Variants in PLXNB1 observed in about 807,000 individuals in gnomAD.
PLXNB1 encodes plexin-B1.
In PLXNB1, 106 loss-of-function variants were observed where a neutral mutation model predicts 209.4. That is an observed-to-expected ratio of 0.51 (90% CI 0.43 to 0.59). The LOEUF (loss-of-function observed/expected upper bound fraction) is 0.59. Among genes scored for constraint, PLXNB1 ranks in the 20% least tolerant of loss-of-function variants. PLXNB1 has a pLI of 0.00. For synonymous variants in PLXNB1, 1,167 were observed against 1,183.2 expected (o/e 0.99, Z 0.28); for missense variants, 2,357 against 2,853.2 (o/e 0.83, Z 3.96).
Position 48,413,264 on chromosome 3 carries a change from C to T in PLXNB1, c.4536-95G>A. 1 of 989,154 alleles carries T rather than the reference C, an allele frequency of 1.0e-6. No homozygotes were observed. Among genetic ancestry groups the T allele is most frequent in the Non-Finnish European group, 1.6e-6 (1 of 631,738 alleles). 61.3% of individuals were successfully genotyped at this position (989,154 alleles called of 1,614,324 possible). ...CCAGGCACACCCCGGCCTCATCCAG[C>T]ACAGTCCAATGCAGCCATGCCAGCC... On this transcript the variant is annotated intron_variant, in intron 23 of 37. Transcript: ENST00000296440. This position sits in a 1 kb window ranked among gnomAD's most constrained non-coding sequence, Gnocchi z 5.4.
In PLXNB1 at chr3:48,410,734, G is replaced by A; in HGVS notation, c.5416+134C>T. 2.0e-6 allele frequency: 2 copies of A among 1,020,532 alleles called. No homozygotes were observed. The highest frequency in any genetic ancestry group is 2.9e-6 in the Non-Finnish European group (2 of 696,696). The allele number at this position is 1,020,532 out of a possible 1,614,324, so 63.2% of individuals were successfully genotyped here. A position where few individuals can be genotyped will look rare whatever the true frequency, so the allele number is the denominator to read the frequency against. ...AGATGAGAGGCTGTCCAAGAAAGAT[G>A]TTCCAAAGCCAGCTTCTGCCTGCCT... On this transcript the variant is annotated intron_variant, in intron 29 of 37. Transcript: ENST00000296440. The surrounding 1 kb of genome is among the most constrained non-coding windows in gnomAD (Gnocchi z 6.4).
At chr3:48,425,942 A>C (rs1036987424) in intron 1 of PLXNB1, among the ~76,000 whole-genome samples, 13 of 151,008 alleles carry the variant, frequency 8.6e-5, no homozygotes, top group African/African-American at 3.2e-4. Flanking sequence ...TATAGAGACA[A>C]CTCCCCCACA....
In PLXNB1 at chr3:48,419,419, C is replaced by A; in HGVS notation, c.2710-53G>T. ...ATGGAGCCCACCCTGCCCAGCTCAG[C>A]CCTCTGCCTTGCCAGATTCCAGAGG... On this transcript the variant is annotated intron_variant, in intron 11 of 37. Transcript: ENST00000296440. This position sits in a 1 kb window ranked among gnomAD's most constrained non-coding sequence, Gnocchi z 5.7. The A allele has an allele frequency of 6.6e-7, 1 of 1,521,400 alleles. No individual in the cohort carries two copies. The highest frequency in any genetic ancestry group is 8.8e-7 in the Non-Finnish European group (1 of 1,132,100). The allele number at this position is 1,521,400 out of a possible 1,614,324, so 94.2% of individuals were successfully genotyped here.
rs201139476 is a variant in PLXNB1, at chr3:48,415,392, A to G, written c.3795-45T>C. On this transcript the variant is annotated intron_variant, in intron 19 of 37. Coordinates refer to ENST00000296440, the MANE Select transcript of PLXNB1 (RefSeq NM_001130082.3). The surrounding 1 kb of genome is among the most constrained non-coding windows in gnomAD (Gnocchi z 5.0). ...TACGTAACGTAAGATGGCTTATGTT[A>G]CCTGGACCTAAAGCACAGCCCAGTC... is the stretch of plus-strand genomic sequence containing the variant. 6.3e-7 allele frequency: 1 copy of G among 1,586,480 alleles called. No homozygotes were observed. Among genetic ancestry groups the G allele is most frequent in the Non-Finnish European group, 8.6e-7 (1 of 1,161,684 alleles).
rs919341434 is a variant in PLXNB1, at chr3:48,416,283, T to C, written c.3480+63A>G. On this transcript the variant is annotated intron_variant, in intron 17 of 37. Transcript: ENST00000296440. The surrounding 1 kb of genome is among the most constrained non-coding windows in gnomAD (Gnocchi z 4.1). ...CCCCACCAAGGAATAACCAGATGGG[T>C]TGAGAGGAGCCACCAGAGAGGTTGG... The C allele has an allele frequency of 2.2e-5, 35 of 1,559,298 alleles. No individual in the cohort carries two copies. In the African/African-American group the frequency reaches 2.8e-4, roughly 13 times the overall value.
Position 48,419,674 on chromosome 3 carries a change from C to A in PLXNB1, c.2612G>T (p.Gly871Val). ...PAFSTSTLLS[G>V]DGDSAELEGP... ...CTCAAGCTCTGCTGAGTCTCCATCA[C>A]CTGAGAGGAGGGTGGAAGTGGAGAA... is the stretch of plus-strand genomic sequence containing the variant. Residue 871 changes from glycine to valine, a missense_variant, in exon 11 of 38, where the codon GGT (glycine) becomes GTT (valine). By Grantham distance (109) the Gly-to-Val change is moderately radical. Coordinates refer to ENST00000296440, the MANE Select transcript of PLXNB1 (RefSeq NM_001130082.3). The surrounding 1 kb of genome is among the most constrained non-coding windows in gnomAD (Gnocchi z 5.7). 1 of 1,612,578 alleles carries A rather than the reference C, an allele frequency of 6.2e-7. No homozygotes were observed. The highest frequency in any genetic ancestry group is 8.5e-7 in the Non-Finnish European group (1 of 1,179,942).
rs938923955 is a variant in PLXNB1 at position 48,413,516 on chromosome 3, T to G, written c.4535+154A>C. 3.9e-6 allele frequency: 3 copies of G among 761,490 alleles called. No individual in the cohort carries two copies. Among genetic ancestry groups the G allele is most frequent in the African/African-American group, 3.5e-5 (2 of 56,778 alleles). 47.2% of individuals were successfully genotyped at this position (761,490 alleles called of 1,614,324 possible). On this transcript the variant is annotated intron_variant, in intron 23 of 37. Transcript: ENST00000296440. The surrounding 1 kb of genome is among the most constrained non-coding windows in gnomAD (Gnocchi z 5.4). ...TTGTGCCACAGTGGCAAAGCTGAGT[T>G]GTTGAACAGAGACCACTTGGCCTGC...
chr3:48,421,658 C>CT lies in PLXNB1; in HGVS notation c.1653+15dup, dbSNP rs748784275. 15 of 1,588,368 alleles carry CT rather than the reference C, an allele frequency of 9.4e-6. No homozygotes were observed. The highest frequency in any genetic ancestry group is 1.3e-5 in the Non-Finnish European group (15 of 1,160,298). ...AGAGCCCTCCCCACCAGGGCCCTGC[C>CT]TATCTGATCATTCACCTCCCTCGTC... On this transcript the variant is annotated intron_variant, in intron 7 of 37. Coordinates refer to ENST00000296440, the MANE Select transcript of PLXNB1 (RefSeq NM_001130082.3).
chr3:48,412,291 CCA>C lies in PLXNB1; in HGVS notation c.5045_5046del (p.Val1682GlyfsTer33). On this transcript the variant is annotated frameshift_variant, in exon 27 of 38. Transcript: ENST00000296440. LOFTEE classifies it high-confidence loss of function. ...PKLMLRRTET[V>X]VEKLLTNWMS... ...ATCCAGTTGGTGAGCAGCTTCTCCA[CCA>C]CAGTCTCTGTCCTGAGATGATGGGA... 1.9e-6 allele frequency: 3 copies of C among 1,614,082 alleles called. No homozygotes were observed. Among genetic ancestry groups the C allele is most frequent in the Non-Finnish European group, 2.5e-6 (3 of 1,180,020 alleles).
Position 48,413,179 on chromosome 3 carries a change from C to A in PLXNB1, c.4536-10G>T. 1 of 1,605,498 alleles carries A rather than the reference C, an allele frequency of 6.2e-7. No individual in the cohort carries two copies. The highest frequency in any genetic ancestry group is 8.5e-7 in the Non-Finnish European group (1 of 1,176,062). ...CTGCTTGCTCTTCCTCCTGCTCAGC[C>A]CCAGGGTCAGGAGAGGATGGCCAGA... On this transcript the variant is annotated splice_polypyrimidine_tract_variant and intron_variant, in intron 23 of 37. Transcript: ENST00000296440. The surrounding 1 kb of genome is among the most constrained non-coding windows in gnomAD (Gnocchi z 5.4).
chr3:48,407,644 G>T (rs1386791395), intron 34 of PLXNB1, among the ~76,000 whole-genome samples: 2 of 152,236 alleles, frequency 1.3e-5, no homozygotes, highest in Admixed American at 6.5e-5. Context: ...TCCTAGAGCT[G>T]CTGGGAAGGT....
intron 1 of PLXNB1, among the ~76,000 whole-genome samples, chr3:48,427,740 C>A (rs910350740): frequency 6.6e-6 from 1 of 152,202 alleles, no homozygotes; most frequent in African/African-American, 2.4e-5. Context: ...CCCACTCCCT[C>A]GCTATCCCAT....
rs772213782 is a variant in PLXNB1, at chr3:48,404,562, G to A, written c.6332C>T (p.Thr2111Met). The change falls in exon 38 of 38, where the codon ACG becomes ATG. Residue 2111 changes from threonine (T) to methionine (M), a missense_variant. By Grantham distance (81) the Thr-to-Met change is moderately conservative. Transcript: ENST00000296440. ...ATAGCCCAGCTGCATCTTCTGGGCC[G>A]TGCCATCCTCCTCCAGGGCAGTGAT... ...QIITALEEDG[T>M]AQKMQLGYRL... The A allele has an allele frequency of 2.4e-5, 38 of 1,613,056 alleles. No individual in the cohort carries two copies. The highest frequency in any genetic ancestry group is 6.6e-5 in the South Asian group (6 of 91,010).
chr3:48,405,329 A>AC lies in PLXNB1; in HGVS notation c.6303+394dup, dbSNP rs1460929282. Among the ~76,000 whole-genome samples the AC allele has an allele frequency of 6.6e-6, 1 of 152,036 alleles. No individual in the cohort carries two copies. Among genetic ancestry groups the AC allele is most frequent in the Non-Finnish European group, 1.5e-5 (1 of 68,014 alleles). On this transcript the variant is annotated intron_variant, in intron 37 of 37. Coordinates refer to ENST00000296440, the MANE Select transcript of PLXNB1 (RefSeq NM_001130082.3). This position sits in a 1 kb window ranked among gnomAD's most constrained non-coding sequence, Gnocchi z 5.0. ...TTCACCAGCTCCAGTGTACCCTCACACCCCTGGCCCTGTGCCTGGACTCTC... is the reference window on the plus strand; with the variant it reads ...TTCACCAGCTCCAGTGTACCCTCACACCCCCTGGCCCTGTGCCTGGACTCTC...
At position 48,419,571 on chromosome 3, in the gene PLXNB1, C is replaced by T; in HGVS notation, c.2709+6G>A. 3.1e-6 allele frequency: 5 copies of T among 1,601,532 alleles called. No individual in the cohort carries two copies. The highest frequency in any genetic ancestry group is 4.3e-6 in the Non-Finnish European group (5 of 1,171,420). ...CCTGAGGCCTCCTTCCTGGGCTGGG[C>T]CTCACCAGCTCCCAGAGCCCGGGGG... is the stretch of plus-strand genomic sequence containing the variant. On this transcript the variant is annotated splice_donor_region_variant and intron_variant, in intron 11 of 37. Transcript: ENST00000296440. The surrounding 1 kb of genome is among the most constrained non-coding windows in gnomAD (Gnocchi z 5.7).
Position 48,406,992 on chromosome 3 carries a change from G to T in PLXNB1, c.6152+35C>A, listed in dbSNP as rs556501307. The T allele has an allele frequency of 3.7e-6, 6 of 1,609,744 alleles. No individual in the cohort carries two copies. Among genetic ancestry groups the T allele is most frequent in the Non-Finnish European group, 5.1e-6 (6 of 1,176,144 alleles). ...CACCCCCCAAGCCTCAGCTGCACAC[G>T]CCCTCCAACCTCTACCCACCGTGCC... On this transcript the variant is annotated intron_variant, in intron 35 of 37. Transcript: ENST00000296440. The surrounding 1 kb of genome is among the most constrained non-coding windows in gnomAD (Gnocchi z 4.4).
chr3:48,416,046 T>C lies in PLXNB1; in HGVS notation c.3602A>G (p.Asp1201Gly), dbSNP rs752981946. The C allele has an allele frequency of 5.0e-6, 8 of 1,603,384 alleles. No individual in the cohort carries two copies. In the South Asian group the frequency reaches 5.6e-5, roughly 11 times the overall value. ...RLEDIRVVVG[D>G]QPCHLLPEQQ... is the part of the protein sequence containing the mutation. Reference sequence around the variant, plus strand: ...TGGCCCTCACAAGTGACAAGGCTGGTCTCCAACCACCACTCGGATGTCCTC... The same window carrying C: ...TGGCCCTCACAAGTGACAAGGCTGGCCTCCAACCACCACTCGGATGTCCTC... The change falls in exon 18 of 38, where the codon GAC (aspartate) becomes GGC (glycine). Residue 1201 changes from aspartate to glycine, a missense_variant. Physicochemically the swap from Asp to Gly is moderately conservative, Grantham distance 94. Around this residue, in one of 7 missense-constraint regions of PLXNB1, gnomAD observed 743 missense variants for 896.2 expected, o/e 0.83. Coordinates refer to ENST00000296440, the MANE Select transcript of PLXNB1 (RefSeq NM_001130082.3). The surrounding 1 kb of genome is among the most constrained non-coding windows in gnomAD (Gnocchi z 4.1).
chr3:48,413,371 C>G lies in PLXNB1; in HGVS notation c.4536-202G>C. ...CACCCATGCCCCGTCTAGCCCAGCA[C>G]AGTTTAGCCTAGAGATCAGCCAACC... is the stretch of plus-strand genomic sequence containing the variant. On this transcript the variant is annotated intron_variant, in intron 23 of 37. Transcript: ENST00000296440. This position sits in a 1 kb window ranked among gnomAD's most constrained non-coding sequence, Gnocchi z 5.4. The G allele has an allele frequency of 4.9e-6, 3 of 610,328 alleles. No homozygotes were observed. Among genetic ancestry groups the G allele is most frequent in the Non-Finnish European group, 8.7e-6 (3 of 345,064 alleles). 37.8% of individuals were successfully genotyped at this position (610,328 alleles called of 1,614,324 possible). A position where few individuals can be genotyped will look rare whatever the true frequency, so the allele number is the denominator to read the frequency against.
intron 4 of PLXNB1, 68 bp downstream of exon 4, chr3:48,422,697 G>A (rs2106947467): frequency 6.6e-7 from 1 of 1,524,830 alleles, no homozygotes; most frequent in South Asian, 1.2e-5. Flanking sequence ...GCTTAAACCA[G>A]GCTGGGTCCC....
Sources: gnomAD v4.1 joint callset for allele counts (sites outside exome capture counted in the v4.1 genomes callset) on GRCh38, gnomAD v4.1.1 for gene constraint, gnomAD v4.1.1 regional missense constraint, Gnocchi (gnomAD v3.1) non-coding constraint, MANE v1.5 for transcripts, NCBI Gene and HGNC (gene_info 2026-07-23, HGNC 2026-07-21) for gene names.